NCKAP5: variants seen among roughly 807,000 people sequenced by gnomAD.
NCKAP5 encodes NCK associated protein 5.
A neutral mutation model predicts 167.0 loss-of-function variants in NCKAP5; 92 were observed. The ratio of observed to expected loss-of-function variants is 0.55; its 90% CI spans 0.47 to 0.66. The LOEUF is 0.66. Ranked by LOEUF, NCKAP5 falls within the 30% of genes least tolerant of loss-of-function variation. The pLI is 0.00. For missense variants in NCKAP5, 2,378 were observed against 2,315.0 expected (o/e 1.03, Z -0.56); for synonymous variants, 891 against 877.4 (o/e 1.02, Z -0.27).
chr2:133,111,950 A>G (rs2081928337), intron 6 of NCKAP5, among the ~76,000 whole-genome samples: 1 of 152,204 alleles, frequency 6.6e-6, no homozygotes, highest in African/African-American at 2.4e-5. Flanking sequence ...AGCCACTGCC[A>G]ATAGATACTA....
intron 4 of NCKAP5, among the ~76,000 whole-genome samples, chr2:133,252,101 TAA>T (rs1208686914): frequency 6.6e-6 from 1 of 152,226 alleles, no homozygotes; most frequent in Non-Finnish European, 1.5e-5. Context: ...CTCAGTGAGT[TAA>T]AAGTGTCCTT....
intron 16 of NCKAP5, among the ~76,000 whole-genome samples, chr2:132,760,161 A>G: frequency 6.6e-6 from 1 of 152,092 alleles, no homozygotes; most frequent in East Asian, 1.9e-4. Context: ...ATGTACTTTT[A>G]TTGTTATATA....
intron 16 of NCKAP5, among the ~76,000 whole-genome samples, chr2:132,758,499 T>G (rs1343657693): frequency 6.6e-6 from 1 of 152,224 alleles, no homozygotes; most frequent in Non-Finnish European, 1.5e-5. Context: ...CTATCTATAA[T>G]GTCTAGTAAA....
At chr2:133,424,444 G>T (rs1689668932) in intron 3 of NCKAP5, among the ~76,000 whole-genome samples, 1 of 152,176 alleles carries the variant, frequency 6.6e-6, no homozygotes, top group African/African-American at 2.4e-5. Flanking sequence ...TCTTGTCTGA[G>T]CCAGCAAGTT....
intron 3 of NCKAP5, among the ~76,000 whole-genome samples, chr2:133,344,444 A>G (rs914832895): frequency 6.6e-6 from 1 of 150,994 alleles, no homozygotes. Context: ...AACGCGAGGC[A>G]GGGAGTTGAA....
At chr2:133,270,262 T>G (rs2089448866) in intron 4 of NCKAP5, among the ~76,000 whole-genome samples, 1 of 152,174 alleles carries the variant, frequency 6.6e-6, no homozygotes, top group Non-Finnish European at 1.5e-5. Flanking sequence ...TATAATCCAA[T>G]TGTACACTCA....
chr2:132,848,773 T>C (rs1463693831), intron 11 of NCKAP5, among the ~76,000 whole-genome samples: 1 of 152,168 alleles, frequency 6.6e-6, no homozygotes, highest in Admixed American at 6.5e-5. Context: ...TGGTGTGGTA[T>C]GATCACACCT....
At chr2:133,452,019 A>G (rs1333761148) in intron 3 of NCKAP5, among the ~76,000 whole-genome samples, 1 of 152,216 alleles carries the variant, frequency 6.6e-6, no homozygotes, top group Non-Finnish European at 1.5e-5. Flanking sequence ...AAAGGATTCC[A>G]TTTAGCAGTC....
rs536343875 is a variant in NCKAP5, at chr2:133,180,914, T to C, written c.207+32802A>G. On this transcript the variant is annotated intron_variant, in intron 5 of 19. Coordinates refer to ENST00000409261, the MANE Select transcript of NCKAP5 (RefSeq NM_207363.3). ...GGCCTATGGACTGGGAGAAAATATT[T>C]GCAAACTATGTATCTAATAAGGGAT... Among the ~76,000 whole-genome samples the C allele has an allele frequency of 2.8e-4, 42 of 152,090 alleles. 1 individual carries two copies. The highest frequency in any genetic ancestry group is 8.7e-4 in the African/African-American group (36 of 41,516).
chr2:132,725,538 G>A, intron 19 of NCKAP5, 89 bp downstream of exon 19: 1 of 1,424,236 alleles, frequency 7.0e-7, no homozygotes, highest in Non-Finnish European at 9.3e-7. Context: ...TAAAATCAAA[G>A]AGGGTGGGGG....
At chr2:133,035,207 A>T (rs1301283109) in intron 6 of NCKAP5, among the ~76,000 whole-genome samples, 1 of 152,074 alleles carries the variant, frequency 6.6e-6, no homozygotes, top group Non-Finnish European at 1.5e-5. Flanking sequence ...TCAGCAAGAA[A>T]ATATAACAAT....
intron 19 of NCKAP5, among the ~76,000 whole-genome samples, chr2:132,707,494 G>C (rs1259799661): frequency 1.3e-5 from 2 of 152,244 alleles, no homozygotes; most frequent in Non-Finnish European, 2.9e-5. Flanking sequence ...CCAGTCGACT[G>C]TAGGGGCATG....
Position 132,690,296 on chromosome 2 carries a change from C to T in NCKAP5, c.5714-16991G>A, listed in dbSNP as rs1017726281. On this transcript the variant is annotated intron_variant, in intron 19 of 19. Transcript: ENST00000409261. ...TGAGCATAAGTGTTCTGCAAAGGAA[C>T]TGTGTCCTGTCCAGGGCTGGTTCCT... 2.0e-5 allele frequency among the ~76,000 whole-genome samples: 3 copies of T among 152,208 alleles called. 1 individual carries two copies. Among genetic ancestry groups the T allele is most frequent in the South Asian group, 4.1e-4 (2 of 4,832 alleles).
chr2:133,180,103 C>A (rs934706156), intron 5 of NCKAP5, among the ~76,000 whole-genome samples: 2 of 151,970 alleles, frequency 1.3e-5, no homozygotes, highest in Admixed American at 6.6e-5. Context: ...TGACACCATA[C>A]CTACAGGGTA....
At chr2:133,369,993 C>A (rs1394999933) in intron 3 of NCKAP5, among the ~76,000 whole-genome samples, 3 of 152,170 alleles carry the variant, frequency 2.0e-5, no homozygotes, top group African/African-American at 7.2e-5. Flanking sequence ...TTTAAACAGA[C>A]AGCGCTTTGA....
intron 3 of NCKAP5, among the ~76,000 whole-genome samples, chr2:133,513,198 A>G (rs1319486545): frequency 5.3e-5 from 8 of 152,194 alleles, no homozygotes; most frequent in Non-Finnish European, 1.0e-4. Context: ...ACTATGAAGA[A>G]TCGTTAAGGT....
At chr2:133,611,771 C>T in the NCKAP5 span, among the ~76,000 whole-genome samples, 1 of 152,152 alleles carries the variant, frequency 6.6e-6, no homozygotes, top group African/African-American at 2.4e-5. Flanking sequence ...CATTCTCTCC[C>T]CTATTAAACC....
intron 6 of NCKAP5, among the ~76,000 whole-genome samples, chr2:133,001,357 T>A (rs2077772336): frequency 6.6e-6 from 1 of 151,892 alleles, no homozygotes; most frequent in Non-Finnish European, 1.5e-5. Context: ...TAGCTGGAAC[T>A]AAAGACACGA....
intron 6 of NCKAP5, among the ~76,000 whole-genome samples, chr2:133,128,302 G>C (rs537753179): frequency 8.5e-5 from 13 of 152,278 alleles, no homozygotes; most frequent in African/African-American, 3.1e-4. Context: ...AGAGAAAAGT[G>C]AAACAAATTA....
Sources: gnomAD v4.1 joint callset for allele counts (sites outside exome capture counted in the v4.1 genomes callset) on GRCh38, gnomAD v4.1.1 for gene constraint, MANE v1.5 for transcripts, NCBI Gene and HGNC (gene_info 2026-07-23, HGNC 2026-07-21) for gene names.